Variants in DNAJC6 observed in about 807,000 individuals in gnomAD.
DNAJC6 encodes auxilin.
A neutral mutation model predicts 110.0 loss-of-function variants in DNAJC6; 34 were observed. The observed-to-expected ratio is 0.31, with a 90% CI of 0.24 to 0.41. The LOEUF is 0.41. Among genes scored for constraint, DNAJC6 ranks in the 10% least tolerant of loss-of-function variants. The probability of loss-of-function intolerance (pLI) is 1.00; values close to 1 mark genes in which losing one functional copy is unlikely to be tolerated. For missense variants in DNAJC6, 1,031 were observed against 1,207.8 expected (o/e 0.85, Z 2.17); for synonymous variants, 406 against 437.2 (o/e 0.93, Z 0.89).
intron 1 of DNAJC6, among the ~76,000 whole-genome samples, chr1:65,360,487 A>T (rs1228070139): frequency 6.6e-6 from 1 of 152,182 alleles, no homozygotes; most frequent in Non-Finnish European, 1.5e-5. Context: ...ACATCTAATC[A>T]ATTTGATGTC....
chr1:65,346,910 C>T (rs1645442066), intron 1 of DNAJC6, among the ~76,000 whole-genome samples: 1 of 152,072 alleles, frequency 6.6e-6, no homozygotes, highest in South Asian at 2.1e-4. Context: ...ACCACCCCCG[C>T]TCCACCACCC....
intron 4 of DNAJC6, among the ~76,000 whole-genome samples, chr1:65,379,068 G>A (rs1645793503): frequency 6.6e-6 from 1 of 152,178 alleles, no homozygotes; most frequent in Non-Finnish European, 1.5e-5. Context: ...CATTTGGGGG[G>A]AGGTCAAAAC....
Position 65,412,957 on chromosome 1 carries a change from A to G in DNAJC6, c.2845A>G (p.Met949Val). The G allele has an allele frequency of 7.4e-6, 12 of 1,614,086 alleles. No homozygotes were observed. Among genetic ancestry groups the G allele is most frequent in the Non-Finnish European group, 1.0e-5 (12 of 1,179,994 alleles). ...TGQPYEQYAK[M>V]IFMELNDAWS... Reference sequence around the variant, plus strand: ...GCAACCCTATGAACAATACGCAAAGATGATTTTCATGGAGCTCAATGATGC... The same window carrying G: ...GCAACCCTATGAACAATACGCAAAGGTGATTTTCATGGAGCTCAATGATGC... The change falls in exon 19 of 19, where the codon ATG becomes GTG. Residue 949 changes from methionine (M) to valine (V), a missense_variant. Coordinates refer to ENST00000371069, the MANE Select transcript of DNAJC6 (RefSeq NM_001256864.2).
At chr1:65,266,694 GA>G (rs202229572) in intron 1 of DNAJC6, among the ~76,000 whole-genome samples, 11 of 148,710 alleles carry the variant, frequency 7.4e-5, no homozygotes, top group East Asian at 2.0e-4. Context: ...TTTCTGGAGA[GA>G]AAAAAAAAAT....
intron 12 of DNAJC6, 141 bp from the exon 13 acceptor site, chr1:65,394,757 G>GGTAA: frequency 1.1e-6 from 1 of 898,244 alleles, no homozygotes; most frequent in African/African-American, 1.8e-5. Flanking sequence ...TCATCCAACA[G>GGTAA]GTAAGTCCAG....
At chr1:65,403,165 T>C (rs576058912) in intron 15 of DNAJC6, among the ~76,000 whole-genome samples, 1 of 152,376 alleles carries the variant, frequency 6.6e-6, no homozygotes, top group South Asian at 2.1e-4. Context: ...TATTGGGGCC[T>C]TACTATGTGC....
intron 1 of DNAJC6, among the ~76,000 whole-genome samples, chr1:65,268,646 G>A (rs1180559712): frequency 6.6e-6 from 1 of 152,120 alleles, no homozygotes; most frequent in East Asian, 1.9e-4. Context: ...CATTCACATG[G>A]TAGGCAAGTA....
intron 1 of DNAJC6, among the ~76,000 whole-genome samples, chr1:65,312,609 C>A (rs189014727): frequency 1.2e-4 from 18 of 152,246 alleles, no homozygotes; most frequent in African/African-American, 4.3e-4. Flanking sequence ...GTTGACATCT[C>A]GCTACATGAT....
chr1:65,410,468 G>A (rs1444447657), intron 17 of DNAJC6, among the ~76,000 whole-genome samples: 1 of 152,100 alleles, frequency 6.6e-6, no homozygotes, highest in Non-Finnish European at 1.5e-5. Flanking sequence ...TCCTATAAAA[G>A]AAAGCTGTTT....
At chr1:65,351,098 G>T (rs1480050038) in intron 1 of DNAJC6, among the ~76,000 whole-genome samples, 1 of 151,864 alleles carries the variant, frequency 6.6e-6, no homozygotes, top group Non-Finnish European at 1.5e-5. Flanking sequence ...AGTAGTTTTT[G>T]TATTTTGATC....
chr1:65,374,726 A>G (rs955137650), intron 4 of DNAJC6, among the ~76,000 whole-genome samples: 5 of 152,174 alleles, frequency 3.3e-5, no homozygotes, highest in Non-Finnish European at 5.9e-5. Context: ...TTGAGTTCGA[A>G]CAAGGGTAAT....
chr1:65,405,728 T>C (rs998221503), intron 15 of DNAJC6, 142 bp from the exon 16 acceptor site: 6 of 963,628 alleles, frequency 6.2e-6, no homozygotes, highest in South Asian at 2.1e-5. Context: ...ATGCCTGCAA[T>C]TGCTTTATCT....
chr1:65,335,019 A>G (rs973686245), intron 1 of DNAJC6, among the ~76,000 whole-genome samples: 5 of 152,154 alleles, frequency 3.3e-5, no homozygotes, highest in Non-Finnish European at 7.3e-5. Context: ...TGACCAATTT[A>G]TAGTTCAGAA....
chr1:65,370,252 G>A (rs1476494988), intron 4 of DNAJC6, among the ~76,000 whole-genome samples: 1 of 152,070 alleles, frequency 6.6e-6, no homozygotes, highest in Non-Finnish European at 1.5e-5. Context: ...AATTATTGTG[G>A]TAAAATATAC....
chr1:65,322,662 C>T (rs1349722590), intron 1 of DNAJC6, among the ~76,000 whole-genome samples: 1 of 152,150 alleles, frequency 6.6e-6, no homozygotes, highest in African/African-American at 2.4e-5. Context: ...ATGCAGTTCA[C>T]ATTATGATAG....
intron 1 of DNAJC6, among the ~76,000 whole-genome samples, chr1:65,355,978 A>C (rs1341305712): frequency 7.5e-6 from 1 of 132,562 alleles, no homozygotes; most frequent in Non-Finnish European, 1.6e-5. Flanking sequence ...CCATTCTATT[A>C]ATATTTCTAT....
chr1:65,389,997 A>G (rs1645910968), intron 11 of DNAJC6, among the ~76,000 whole-genome samples: 1 of 151,576 alleles, frequency 6.6e-6, no homozygotes, highest in South Asian at 2.1e-4. Flanking sequence ...TGGGTGACAG[A>G]GCAAAACTCC....
chr1:65,377,719 GCTC>G (rs1645779557), intron 4 of DNAJC6, among the ~76,000 whole-genome samples: 1 of 152,122 alleles, frequency 6.6e-6, no homozygotes, highest in South Asian at 2.1e-4. Flanking sequence ...TTAGACGTCA[GCTC>G]TACCAAGAGC....
intron 1 of DNAJC6, among the ~76,000 whole-genome samples, chr1:65,327,612 G>A (rs751063428): frequency 6.6e-6 from 1 of 152,116 alleles, no homozygotes; most frequent in Non-Finnish European, 1.5e-5. Context: ...TAGGGGAATT[G>A]TTTGGTCAGG....
Sources: allele counts gnomAD v4.1 joint callset (sites outside exome capture counted in the v4.1 genomes callset), GRCh38; gene constraint gnomAD v4.1.1; transcripts MANE v1.5; gene names NCBI Gene and HGNC (gene_info 2026-07-23, HGNC 2026-07-21).